Variants in NIPBL observed in about 807,000 individuals in gnomAD.
NIPBL encodes NIPBL cohesin loading factor, also known as nipped-B-like protein.
A neutral mutation model predicts 321.8 loss-of-function variants in NIPBL; 19 were observed. The observed-to-expected ratio is 0.06, with a 90% CI of 0.04 to 0.09. The LOEUF (loss-of-function observed/expected upper bound fraction) is 0.09. Among genes scored for constraint, NIPBL ranks in the 10% least tolerant of loss-of-function variants. The pLI is 1.00. For synonymous variants in NIPBL, 1,106 were observed against 1,114.1 expected (o/e 0.99, Z 0.14); for missense variants, 2,210 against 3,327.0 (o/e 0.66, Z 8.26).
At position 37,020,601 on chromosome 5, in the gene NIPBL, A is replaced by G. The variant is rs755405307; in HGVS notation, c.5153A>G (p.His1718Arg). The G allele has an allele frequency of 1.9e-6, 3 of 1,614,186 alleles. No homozygotes were observed. The Admixed American group carries it at 5.0e-5, about 27-fold the overall frequency. The change falls in exon 26 of 47, where the codon CAT (histidine) becomes CGT (arginine). Residue 1718 changes from histidine to arginine, a missense_variant. His to Arg is a conservative substitution (Grantham distance 29). Coordinates refer to ENST00000282516, the MANE Select transcript of NIPBL (RefSeq NM_133433.4). ...ATTGAGACAACTGGCCAAATTATGC[A>G]TCGAGCTGAAAACCGAAAAAAGTTT... ...KEIETTGQIMHRAENRKKFLR... is the reference protein window; with the variant it reads ...KEIETTGQIMRRAENRKKFLR...
chr5:36,935,368 A>G (rs901325829), intron 1 of NIPBL, among the ~76,000 whole-genome samples: 6 of 152,068 alleles, frequency 3.9e-5, no homozygotes, highest in South Asian at 2.1e-4. Context: ...TGTTAAACCT[A>G]CTCTAAACAG....
At chr5:36,894,813 A>G (rs1406274302) in intron 1 of NIPBL, among the ~76,000 whole-genome samples, 1 of 152,206 alleles carries the variant, frequency 6.6e-6, no homozygotes, top group East Asian at 1.9e-4. Flanking sequence ...TTCTTACTGT[A>G]TATCAAGCTA....
At chr5:37,057,050 C>G in intron 42 of NIPBL, 136 bp from the exon 43 acceptor site, 1 of 804,268 alleles carries the variant, frequency 1.2e-6, no homozygotes, top group Non-Finnish European at 2.1e-6. Context: ...TCTCCCCACT[C>G]TCTCCGTGTG....
intron 1 of NIPBL, among the ~76,000 whole-genome samples, chr5:36,904,783 A>G (rs1469759640): frequency 6.6e-6 from 1 of 152,130 alleles, no homozygotes; most frequent in Non-Finnish European, 1.5e-5. Context: ...CCTGTGTCTC[A>G]CCTTAAAGCA....
intron 6 of NIPBL, among the ~76,000 whole-genome samples, chr5:36,970,487 A>G (rs535788503): frequency 7.2e-4 from 108 of 150,926 alleles, no homozygotes; most frequent in African/African-American, 2.4e-3. Context: ...AGATACATAT[A>G]TCATCTATAT....
intron 7 of NIPBL, among the ~76,000 whole-genome samples, chr5:36,971,428 T>A (rs1742840983): frequency 6.6e-6 from 1 of 152,062 alleles, no homozygotes. Flanking sequence ...CACTAAAATT[T>A]TTTTTTTTTT....
intron 38 of NIPBL, 72 bp downstream of exon 38, chr5:37,046,271 T>TAA: frequency 1.2e-6 from 1 of 865,462 alleles, no homozygotes; most frequent in Admixed American, 1.8e-5. Flanking sequence ...ATTGTGAATC[T>TAA]AAATTGTTGA....
intron 9 of NIPBL, chr5:36,982,225 A>G: frequency 2.0e-6 from 2 of 981,012 alleles, no homozygotes; most frequent in South Asian, 4.7e-5. Flanking sequence ...GCTTACAGGT[A>G]ATCACTGTCC....
chr5:37,044,204 G>T, intron 34 of NIPBL, 143 bp from the exon 35 acceptor site: 1 of 674,242 alleles, frequency 1.5e-6, no homozygotes, highest in Non-Finnish European at 2.4e-6. Flanking sequence ...TCCATACCTT[G>T]AAAAAAAAAC....
At chr5:37,056,169 T>TAAAACTAATAGATGAGAAAAA (rs1754072007) in intron 42 of NIPBL, among the ~76,000 whole-genome samples, 1 of 152,212 alleles carries the variant, frequency 6.6e-6, no homozygotes, top group Non-Finnish European at 1.5e-5. Context: ...GGTAGGGTTT[T>TAAAACTAATAGATGAGAAAAA]ATGTCTACAT....
chr5:37,004,295 A>G (rs912520437), intron 16 of NIPBL, among the ~76,000 whole-genome samples: 3 of 152,210 alleles, frequency 2.0e-5, no homozygotes, highest in Non-Finnish European at 4.4e-5. Context: ...TATGAATTAT[A>G]TGTGCATTCA....
intron 1 of NIPBL, among the ~76,000 whole-genome samples, chr5:36,910,087 AG>A (rs1228453784): frequency 6.6e-6 from 1 of 151,930 alleles, no homozygotes; most frequent in African/African-American, 2.4e-5. Flanking sequence ...AAAAAAAAAA[AG>A]AATGTTATGA....
At chr5:36,933,471 G>A (rs1405051152) in intron 1 of NIPBL, among the ~76,000 whole-genome samples, 3 of 152,052 alleles carry the variant, frequency 2.0e-5, no homozygotes, top group African/African-American at 7.2e-5. Flanking sequence ...TATAGTTCTA[G>A]AGACATTTTT....
chr5:36,885,732 C>T (rs1355912309), intron 1 of NIPBL: 1 of 594,186 alleles, frequency 1.7e-6, no homozygotes, highest in Admixed American at 2.0e-5. Context: ...ATGTGCCAGT[C>T]TGTAGAGAAC....
intron 32 of NIPBL, among the ~76,000 whole-genome samples, chr5:37,035,146 G>T (rs1029711358): frequency 2.6e-5 from 4 of 152,150 alleles, no homozygotes; most frequent in African/African-American, 9.7e-5. Flanking sequence ...AAAATAAGCT[G>T]GGCACGATGG....
chr5:37,060,156 A>G (rs1159903978), intron 44 of NIPBL, among the ~76,000 whole-genome samples: 2 of 152,202 alleles, frequency 1.3e-5, no homozygotes, highest in African/African-American at 4.8e-5. Flanking sequence ...TTCAGGAGAC[A>G]CTAGAAATCC....
chr5:36,942,186 T>TCAG (rs1739158979), intron 1 of NIPBL, among the ~76,000 whole-genome samples: 1 of 150,702 alleles, frequency 6.6e-6, no homozygotes, highest in African/African-American at 2.4e-5. Flanking sequence ...TAATCCCAGC[T>TCAG]CTTTGGGAGG....
At chr5:37,038,052 C>T (rs1751916517) in intron 33 of NIPBL, among the ~76,000 whole-genome samples, 1 of 145,120 alleles carries the variant, frequency 6.9e-6, no homozygotes, top group African/African-American at 2.6e-5. Flanking sequence ...TGTAGTGGCG[C>T]AATCATAGCT....
chr5:37,018,564 T>C (rs2149694136), intron 24 of NIPBL, among the ~76,000 whole-genome samples: 1 of 152,286 alleles, frequency 6.6e-6, no homozygotes, highest in African/African-American at 2.4e-5. Flanking sequence ...TGTTGGTGAA[T>C]TGTAATGTAG....
Sources: gnomAD v4.1 joint callset for allele counts (sites outside exome capture counted in the v4.1 genomes callset) on GRCh38, gnomAD v4.1.1 for gene constraint, MANE v1.5 for transcripts, NCBI Gene and HGNC (gene_info 2026-07-23, HGNC 2026-07-21) for gene names.